SLC12A3: variants seen among roughly 807,000 people sequenced by gnomAD.
SLC12A3 encodes Na-Cl cotransporter.
A neutral mutation model predicts 121.0 loss-of-function variants in SLC12A3; 104 were observed. The observed-to-expected ratio is 0.86, with a 90% confidence interval of 0.73 to 1.01. The LOEUF is 1.01. Ranked by LOEUF, SLC12A3 falls within the 50% of genes least tolerant of loss-of-function variation. The probability of loss-of-function intolerance (pLI) is 0.00; values close to 1 mark genes in which losing one functional copy is unlikely to be tolerated. For synonymous variants in SLC12A3, 536 were observed against 533.4 expected, an observed-to-expected ratio of 1.00 and a Z score of -0.07; for missense variants, 1,328 against 1,356.3, an observed-to-expected ratio of 0.98 and a Z score of 0.33.
At chr16:56,876,226 C>T (rs1180446290) in intron 8 of SLC12A3, among the ~76,000 whole-genome samples, 1 of 152,150 alleles carries the variant, frequency 6.6e-6, no homozygotes, top group Non-Finnish European at 1.5e-5. Flanking sequence ...CCAGTCATTG[C>T]ATTTGGGGCC....
chr16:56,870,850 T>C (rs2055086478), intron 6 of SLC12A3, 114 bp downstream of exon 6: 1 of 644,784 alleles, frequency 1.6e-6, no homozygotes, highest in Non-Finnish European at 2.7e-6. Flanking sequence ...CTTTTTTTTT[T>C]TTTGAGACAG....
chr16:56,896,545 G>A (rs1341114464), intron 22 of SLC12A3, among the ~76,000 whole-genome samples: 1 of 152,152 alleles, frequency 6.6e-6, no homozygotes, highest in African/African-American at 2.4e-5. Flanking sequence ...CCAAGGGTTT[G>A]AGACCAGGCT....
intron 8 of SLC12A3, among the ~76,000 whole-genome samples, chr16:56,873,547 C>T (rs370001447): frequency 2.7e-5 from 4 of 147,606 alleles, no homozygotes; most frequent in East Asian, 2.0e-4. Flanking sequence ...CCACCGCACC[C>T]GGTTAATATT....
rs2055073736 is a variant in SLC12A3, at chr16:56,870,197, A to T, written c.703A>T (p.Thr235Ser). The T allele has an allele frequency of 3.7e-6, 6 of 1,613,820 alleles. No homozygotes were observed. The highest frequency in any genetic ancestry group is 5.1e-6 in the Non-Finnish European group (6 of 1,180,026). The part of the protein sequence containing the change: ...FANAVGVAMH[T>S]VGFAETVRDL... ...CAATGCCGTGGGTGTGGCCATGCAC[A>T]CGGTGGGCTTTGCAGAGACCGTGCG... The change falls in exon 5 of 26, where the codon ACG becomes TCG. Residue 235 changes from threonine (T) to serine (S), a missense_variant. Transcript: ENST00000563236.
chr16:56,888,856 C>A (rs116863751), intron 18 of SLC12A3, among the ~76,000 whole-genome samples: 16,356 of 152,160 alleles, frequency 0.11, 990 homozygotes, highest in Middle Eastern at 0.16. Flanking sequence ...CCGTGCCCGG[C>A]CACCAGATCT....
chr16:56,903,566 A>G (rs775022218), intron 24 of SLC12A3, among the ~76,000 whole-genome samples: 2 of 152,208 alleles, frequency 1.3e-5, no homozygotes, highest in African/African-American at 4.8e-5. Flanking sequence ...ACTTCCCACA[A>G]CAAGGACTTG....
chr16:56,898,667 G>T (rs1174025262), intron 22 of SLC12A3, among the ~76,000 whole-genome samples: 1 of 152,026 alleles, frequency 6.6e-6, no homozygotes, highest in African/African-American at 2.4e-5. Context: ...CAGCCAGACC[G>T]CCACCTCTGT....
chr16:56,910,071 C>G (rs540937680), intron 25 of SLC12A3, among the ~76,000 whole-genome samples: 8 of 152,168 alleles, frequency 5.3e-5, no homozygotes, highest in Non-Finnish European at 1.0e-4. Flanking sequence ...TAAAAACACT[C>G]CCTCCTCAAA....
intron 24 of SLC12A3, among the ~76,000 whole-genome samples, chr16:56,902,724 C>A (rs1253377468): frequency 6.6e-6 from 1 of 152,180 alleles, no homozygotes; most frequent in Non-Finnish European, 1.5e-5. Context: ...GGTCCTCCTG[C>A]CCATCTTGAG....
intron 23 of SLC12A3, among the ~76,000 whole-genome samples, chr16:56,901,931 T>G (rs1462449081): frequency 6.6e-6 from 1 of 152,232 alleles, no homozygotes; most frequent in African/African-American, 2.4e-5. Context: ...AAGGACAGAC[T>G]TCCTTCAGGT....
chr16:56,910,514 T>C (rs2055671555), intron 25 of SLC12A3, among the ~76,000 whole-genome samples: 1 of 152,084 alleles, frequency 6.6e-6, no homozygotes, highest in Non-Finnish European at 1.5e-5. Context: ...TTTTTTGTAT[T>C]TTTTTATGGA....
In SLC12A3 at chr16:56,865,338, G is replaced by A; in HGVS notation, c.103G>A (p.Ala35Thr). 5 of 1,614,094 alleles carry A rather than the reference G, an allele frequency of 3.1e-6. No individual in the cohort carries two copies. Among genetic ancestry groups the A allele is most frequent in the Non-Finnish European group, 4.2e-6 (5 of 1,180,040 alleles). The change falls in exon 1 of 26, where the codon GCT becomes ACT. Residue 35 changes from alanine (A) to threonine (T), a missense_variant. Coordinates refer to ENST00000563236, the MANE Select transcript of SLC12A3 (RefSeq NM_001126108.2). ...GAGCAGTGATGAGCCCTCTCCACCA[G>A]CTGCCTATGACAGCAGCCACCCCAG... is the stretch of plus-strand genomic sequence containing the variant. ...LLSSDEPSPP[A>T]AYDSSHPSHL...
intron 18 of SLC12A3, among the ~76,000 whole-genome samples, chr16:56,888,848 G>A (rs769467670): frequency 1.3e-5 from 2 of 152,104 alleles, no homozygotes; most frequent in Admixed American, 6.5e-5. Flanking sequence ...GTCAGCCACC[G>A]TGCCCGGCCA....
chr16:56,910,755 G>C (rs2055674612), intron 25 of SLC12A3, among the ~76,000 whole-genome samples: 1 of 152,230 alleles, frequency 6.6e-6, no homozygotes, highest in Non-Finnish European at 1.5e-5. Context: ...ATTGCATCTG[G>C]AGCCTGTGAC....
chr16:56,867,920 C>T (rs764025543), intron 2 of SLC12A3, among the ~76,000 whole-genome samples: 4 of 152,346 alleles, frequency 2.6e-5, no homozygotes, highest in East Asian at 1.9e-4. Flanking sequence ...GGCGCTGGCT[C>T]ACCTGGCATT....
At chr16:56,892,251 T>G in intron 20 of SLC12A3, 118 bp downstream of exon 20, 1 of 917,946 alleles carries the variant, frequency 1.1e-6, no homozygotes, top group South Asian at 1.3e-5. Flanking sequence ...GACAGGTGGT[T>G]TTTTCTTGTG....
At chr16:56,907,827 G>T (rs1328086675) in intron 25 of SLC12A3, among the ~76,000 whole-genome samples, 2 of 152,192 alleles carry the variant, frequency 1.3e-5, no homozygotes, top group African/African-American at 4.8e-5. Flanking sequence ...TGGGGATATG[G>T]ATTTCAACGT....
At chr16:56,878,049 T>TCCCCCCCCCCCCCCCCCCCCCC in intron 8 of SLC12A3, 28 bp from the exon 9 acceptor site, 1 of 288,260 alleles carries the variant, frequency 3.5e-6, no homozygotes, top group Non-Finnish European at 6.7e-6. Flanking sequence ...CCTCCCTCCC[T>TCCCCCCCCCCCCCCCCCCCCCC]CCCTCCCTCT....
chr16:56,888,847 C>T (rs552506528), intron 18 of SLC12A3, among the ~76,000 whole-genome samples: 3 of 152,254 alleles, frequency 2.0e-5, no homozygotes, highest in South Asian at 2.1e-4. Flanking sequence ...CGTCAGCCAC[C>T]GTGCCCGGCC....
Sources: allele counts gnomAD v4.1 joint callset (sites outside exome capture counted in the v4.1 genomes callset), GRCh38; gene constraint gnomAD v4.1.1; transcripts MANE v1.5; gene names NCBI Gene and HGNC (gene_info 2026-07-23, HGNC 2026-07-21).